MAML1: variants seen among roughly 807,000 people sequenced by gnomAD.
MAML1 encodes mastermind like transcriptional coactivator 1, also known as mastermind-like protein 1.
A neutral mutation model predicts 77.1 loss-of-function variants in MAML1; 14 were observed. That is an observed-to-expected ratio of 0.18 (90% CI 0.12 to 0.28). The LOEUF (loss-of-function observed/expected upper bound fraction) is 0.28, where lower values mean the gene tolerates loss of function less well. Among genes scored for constraint, MAML1 ranks in the 10% least tolerant of loss-of-function variants. The pLI is 1.00. For synonymous variants in MAML1, 516 were observed against 551.9 expected, an observed-to-expected ratio of 0.93 and a Z score of 0.91; for missense variants, 1,217 against 1,327.8, an observed-to-expected ratio of 0.92 and a Z score of 1.30.
chr5:179,760,887 C>T lies in MAML1; in HGVS notation c.316-4439C>T, dbSNP rs532633607. Among the ~76,000 whole-genome samples the T allele has an allele frequency of 6.6e-5, 10 of 151,658 alleles. No homozygotes were observed. In the East Asian group the frequency reaches 7.8e-4, roughly 12 times the overall value. On this transcript the variant is annotated intron_variant, in intron 1 of 4. Coordinates refer to ENST00000292599, the MANE Select transcript of MAML1 (RefSeq NM_014757.5). ...TGGGCAGATCACAAGGTCAGGAGAT[C>T]GAGACCATCCTGGCTAACACAGTGA...
intron 4 of MAML1, among the ~76,000 whole-genome samples, chr5:179,772,037 C>T (rs546901633): frequency 1.7e-4 from 26 of 152,304 alleles, no homozygotes; most frequent in African/African-American, 6.0e-4. Flanking sequence ...ATGTTTTCTG[C>T]CTTCAGACCC....
chr5:179,734,600 A>T (rs1779130338), intron 1 of MAML1, among the ~76,000 whole-genome samples: 1 of 152,024 alleles, frequency 6.6e-6, no homozygotes, highest in Non-Finnish European at 1.5e-5. Context: ...CACTTTTCTC[A>T]TCTGTAAACT....
At position 179,765,308 on chromosome 5, in the gene MAML1, C is replaced by A; in HGVS notation, c.316-18C>A. The A allele has an allele frequency of 6.4e-7, 1 of 1,561,992 alleles. No individual in the cohort carries two copies. The highest frequency in any genetic ancestry group is 8.7e-7 in the Non-Finnish European group (1 of 1,154,588). On this transcript the variant is annotated intron_variant, in intron 1 of 4. Transcript: ENST00000292599. ...AAATTCATATGTATCTTAAGTCATTCTTTTCAATGTTTTTCAGCATCTTCA... is the reference window on the plus strand; with the variant it reads ...AAATTCATATGTATCTTAAGTCATTATTTTCAATGTTTTTCAGCATCTTCA...
intron 2 of MAML1, among the ~76,000 whole-genome samples, chr5:179,767,095 C>CTTTTTTTTTTTTTTT (rs10707656): frequency 2.0e-5 from 2 of 100,964 alleles, no homozygotes; most frequent in Non-Finnish European, 3.9e-5. Context: ...AGAGGCTTGG[C>CTTTTTTTTTTTTTTT]TTTTTTTTTT....
intron 1 of MAML1, among the ~76,000 whole-genome samples, chr5:179,744,302 C>T (rs1310940333): frequency 6.6e-6 from 1 of 152,090 alleles, no homozygotes; most frequent in Non-Finnish European, 1.5e-5. Context: ...TCTCCTGCCT[C>T]AGCTTCCGGA....
At chr5:179,737,140 ATTCC>A in intron 1 of MAML1, among the ~76,000 whole-genome samples, 1 of 152,288 alleles carries the variant, frequency 6.6e-6, no homozygotes, top group South Asian at 2.1e-4. Flanking sequence ...TTTGTCAGTC[ATTCC>A]TTTTGATATC....
intron 1 of MAML1, among the ~76,000 whole-genome samples, chr5:179,759,435 C>T (rs1289309966): frequency 2.0e-5 from 3 of 152,196 alleles, no homozygotes; most frequent in Non-Finnish European, 2.9e-5. Flanking sequence ...ACTGGGAATA[C>T]ATCATAAGTA....
chr5:179,767,017 C>T (rs911528435), intron 2 of MAML1, among the ~76,000 whole-genome samples: 6 of 151,458 alleles, frequency 4.0e-5, no homozygotes, highest in Admixed American at 3.9e-4. Context: ...TCTTTCGTGC[C>T]GTAGGATTTA....
chr5:179,752,923 G>A (rs550530330), intron 1 of MAML1, among the ~76,000 whole-genome samples: 3 of 152,152 alleles, frequency 2.0e-5, no homozygotes, highest in South Asian at 2.1e-4. Context: ...ACAGGCACCC[G>A]CCATCATGCC....
At chr5:179,761,081 G>A (rs894293942) in intron 1 of MAML1, among the ~76,000 whole-genome samples, 9 of 112,166 alleles carry the variant, frequency 8.0e-5, no homozygotes, top group Non-Finnish European at 1.5e-4. Context: ...GTGACAGAGC[G>A]AGTCTCCGTC....
intron 2 of MAML1, among the ~76,000 whole-genome samples, chr5:179,767,264 C>T (rs1295167741): frequency 6.6e-6 from 1 of 152,118 alleles, no homozygotes; most frequent in Non-Finnish European, 1.5e-5. Flanking sequence ...TGGAAAATGG[C>T]CCTTCGGGTT....
intron 1 of MAML1, among the ~76,000 whole-genome samples, chr5:179,761,019 G>T (rs376355280): frequency 2.0e-5 from 3 of 151,920 alleles, no homozygotes; most frequent in Admixed American, 2.0e-4. Flanking sequence ...GCATGAACCC[G>T]GGAGGTGGAG....
At chr5:179,748,113 C>T (rs1021069377) in intron 1 of MAML1, among the ~76,000 whole-genome samples, 1 of 152,118 alleles carries the variant, frequency 6.6e-6, no homozygotes, top group Non-Finnish European at 1.5e-5. Context: ...CATGGAGCCT[C>T]ACTCTGTCGC....
intron 1 of MAML1, among the ~76,000 whole-genome samples, chr5:179,736,476 C>A (rs1343283690): frequency 1.3e-5 from 2 of 151,834 alleles, no homozygotes; most frequent in East Asian, 2.0e-4. Flanking sequence ...TGGTCTCGAT[C>A]TCCTGACCTT....
chr5:179,748,325 A>G (rs1356414923), intron 1 of MAML1, among the ~76,000 whole-genome samples: 1 of 151,936 alleles, frequency 6.6e-6, no homozygotes, highest in Non-Finnish European at 1.5e-5. Context: ...CAAGTGATCC[A>G]CCCACCTCAG....
At position 179,742,679 on chromosome 5, in the gene MAML1, C is replaced by T. The variant is rs955632844; in HGVS notation, c.315+9252C>T. ...TAAATTAGCTGGGCGTGACGGCACA[C>T]ACCTCTAATCCCAGGTACTTGGGAG... On this transcript the variant is annotated intron_variant, in intron 1 of 4. Coordinates refer to ENST00000292599, the MANE Select transcript of MAML1 (RefSeq NM_014757.5). Among the ~76,000 whole-genome samples the T allele has an allele frequency of 3.3e-5, 5 of 151,752 alleles. No homozygotes were observed. In the South Asian group the frequency reaches 1.0e-3, roughly 32 times the overall value.
intron 1 of MAML1, among the ~76,000 whole-genome samples, chr5:179,735,881 T>A (rs191419954): frequency 2.1e-3 from 313 of 151,344 alleles, no homozygotes; most frequent in Non-Finnish European, 3.5e-3. Context: ...AGAGACAGGG[T>A]TTCTCCTTGT....
intron 1 of MAML1, among the ~76,000 whole-genome samples, chr5:179,746,422 G>T (rs1191486582): frequency 1.3e-5 from 2 of 152,074 alleles, no homozygotes; most frequent in Non-Finnish European, 2.9e-5. Flanking sequence ...GCCCAGGCTG[G>T]AGTGCAGTGG....
At chr5:179,753,654 A>ATTTTTTT (rs1209995171) in intron 1 of MAML1, among the ~76,000 whole-genome samples, 17 of 88,844 alleles carry the variant, frequency 1.9e-4, no homozygotes, top group African/African-American at 2.9e-4. Flanking sequence ...TATTATTATT[A>ATTTTTTT]TTTTTTTTTT....
Sources: allele counts gnomAD v4.1 joint callset (sites outside exome capture counted in the v4.1 genomes callset), GRCh38; gene constraint gnomAD v4.1.1; transcripts MANE v1.5; gene names NCBI Gene and HGNC (gene_info 2026-07-23, HGNC 2026-07-21).